ADGRB3: variants seen among roughly 807,000 people sequenced by gnomAD.
ADGRB3 encodes the protein brain-specific angiogenesis inhibitor 3.
Under a neutral mutation model 193.4 loss-of-function variants are expected in ADGRB3, and 37 were observed. The observed-to-expected ratio is 0.19, with a 90% CI of 0.15 to 0.25. The LOEUF is 0.25. ADGRB3 is among the 10% of genes least tolerant of loss of function. ADGRB3 has a pLI of 1.00. For synonymous variants in ADGRB3, 690 were observed against 644.2 expected (o/e 1.07, Z -1.08); for missense variants, 1,637 against 1,852.9 (o/e 0.88, Z 2.14).
At chr6:69,150,601 CA>C (rs1355726124) in intron 17 of ADGRB3, among the ~76,000 whole-genome samples, 1 of 152,168 alleles carries the variant, frequency 6.6e-6, no homozygotes, top group Non-Finnish European at 1.5e-5. Context: ...GTGCTCTGCC[CA>C]ATTGTGGCTG....
chr6:68,668,937 G>T (rs756864736), intron 3 of ADGRB3, among the ~76,000 whole-genome samples: 28 of 151,866 alleles, frequency 1.8e-4, no homozygotes, highest in African/African-American at 6.5e-4. Flanking sequence ...TAATCATCCC[G>T]TAGCATTGTA....
chr6:68,875,106 CT>C (rs1395581345), intron 3 of ADGRB3, among the ~76,000 whole-genome samples: 10 of 115,488 alleles, frequency 8.7e-5, no homozygotes, highest in Non-Finnish European at 1.1e-4. Context: ...TCCTTCCTTC[CT>C]TCCTTCCTTT....
chr6:68,732,269 A>G (rs983657530), intron 3 of ADGRB3, among the ~76,000 whole-genome samples: 4 of 151,782 alleles, frequency 2.6e-5, no homozygotes, highest in Non-Finnish European at 5.9e-5. Context: ...TCATTGCCCA[A>G]GTATTAAGCC....
At chr6:68,789,480 G>T (rs1378917542) in intron 3 of ADGRB3, among the ~76,000 whole-genome samples, 1 of 152,148 alleles carries the variant, frequency 6.6e-6, no homozygotes, top group Non-Finnish European at 1.5e-5. Context: ...TTGAATATTG[G>T]TCCCCACACT....
At chr6:69,044,224 T>A (rs1211633584) in intron 13 of ADGRB3, among the ~76,000 whole-genome samples, 1 of 152,148 alleles carries the variant, frequency 6.6e-6, no homozygotes, top group African/African-American at 2.4e-5. Context: ...AATTTGCTCA[T>A]CCCTACAGCC....
At chr6:68,870,123 T>C (rs1765416163) in intron 3 of ADGRB3, among the ~76,000 whole-genome samples, 1 of 152,212 alleles carries the variant, frequency 6.6e-6, no homozygotes. Context: ...TTATCTTTCC[T>C]AATATAGTTA....
Position 69,088,627 on chromosome 6 carries a change from G to A in ADGRB3, c.2480+12589G>A, listed in dbSNP as rs539091420. Among the ~76,000 whole-genome samples, 25 of 152,310 alleles carry A rather than the reference G, an allele frequency of 1.6e-4. 1 individual carries two copies. In the South Asian group the frequency reaches 5.2e-3, roughly 32 times the overall value. ...GACCTCAGGTGATCTGCCTGCCTTGGCCTCCCAAAATGCTGGGATGACAGG... is the reference window on the plus strand; with the variant it reads ...GACCTCAGGTGATCTGCCTGCCTTGACCTCCCAAAATGCTGGGATGACAGG... On this transcript the variant is annotated intron_variant, in intron 17 of 31. Coordinates refer to ENST00000370598, the MANE Select transcript of ADGRB3 (RefSeq NM_001704.3).
intron 17 of ADGRB3, among the ~76,000 whole-genome samples, chr6:69,173,125 C>T (rs1402040269): frequency 6.6e-6 from 1 of 152,212 alleles, no homozygotes; most frequent in African/African-American, 2.4e-5. Context: ...ACAACCTCTG[C>T]CTCCCGGGTT....
intron 3 of ADGRB3, among the ~76,000 whole-genome samples, chr6:68,715,948 C>A (rs187513758): frequency 7.9e-5 from 12 of 151,622 alleles, no homozygotes; most frequent in African/African-American, 2.7e-4. Context: ...CATCTGGTGG[C>A]GGGGGAATGC....
chr6:69,281,096 G>C (rs934145368), intron 20 of ADGRB3, among the ~76,000 whole-genome samples: 1 of 152,146 alleles, frequency 6.6e-6, no homozygotes, highest in Non-Finnish European at 1.5e-5. Flanking sequence ...GCATTTAATT[G>C]AGCCACAGAC....
At chr6:69,027,661 T>G (rs1214732992) in intron 13 of ADGRB3, among the ~76,000 whole-genome samples, 5 of 152,202 alleles carry the variant, frequency 3.3e-5, no homozygotes, top group Non-Finnish European at 7.3e-5. Flanking sequence ...ATAGACTATT[T>G]GGCGCTTGAG....
rs1562023303 is a variant in ADGRB3 at position 68,772,891 on chromosome 6, A to AT, written c.757+133459_757+133460insT. The stretch of plus-strand genomic sequence containing the variant: ...CAAACAAACAAACAAACAAAAAAAA[A>AT]AAAATATATATATATATATATATAT... On this transcript the variant is annotated intron_variant, in intron 3 of 31. Coordinates refer to ENST00000370598, the MANE Select transcript of ADGRB3 (RefSeq NM_001704.3). Among the ~76,000 whole-genome samples, 292 of 35,630 alleles carry AT rather than the reference A, an allele frequency of 8.2e-3. 2 individuals carry two copies. The highest frequency in any genetic ancestry group is 0.011 in the Non-Finnish European group (229 of 21,538). 23.4% of individuals were successfully genotyped at this position (35,630 alleles called of 152,430 possible).
rs550773986 is a variant in ADGRB3 at position 68,789,787 on chromosome 6, C to T, written c.758-140772C>T. ...CCATTCTCCCCATCACTTTCAGGTA[C>T]ACCAATCAGACATAGATTTGGTCTT... is the stretch of plus-strand genomic sequence containing the variant. On this transcript the variant is annotated intron_variant, in intron 3 of 31. Coordinates refer to ENST00000370598, the MANE Select transcript of ADGRB3 (RefSeq NM_001704.3). 4.6e-5 allele frequency among the ~76,000 whole-genome samples: 7 copies of T among 152,340 alleles called. 1 individual carries two copies. The South Asian group carries it at 1.4e-3, about 32-fold the overall frequency.
intron 17 of ADGRB3, among the ~76,000 whole-genome samples, chr6:69,175,020 T>A (rs1349411781): frequency 6.6e-6 from 1 of 152,250 alleles, no homozygotes; most frequent in Non-Finnish European, 1.5e-5. Flanking sequence ...CCTTGTCACA[T>A]GCATACTTTG....
chr6:69,213,535 A>G (rs1311655945), intron 17 of ADGRB3, among the ~76,000 whole-genome samples: 1 of 152,160 alleles, frequency 6.6e-6, no homozygotes, highest in Non-Finnish European at 1.5e-5. Flanking sequence ...GCATAGTCCC[A>G]TGGGTTTCCT....
intron 17 of ADGRB3, among the ~76,000 whole-genome samples, chr6:69,119,294 A>C (rs868386357): frequency 1.7e-4 from 26 of 152,344 alleles, no homozygotes; most frequent in African/African-American, 6.3e-4. Context: ...TTATTCATTC[A>C]TTCAGCAAAT....
intron 3 of ADGRB3, among the ~76,000 whole-genome samples, chr6:68,805,846 G>T (rs1264913859): frequency 2.0e-5 from 3 of 152,114 alleles, no homozygotes; most frequent in South Asian, 2.1e-4. Flanking sequence ...GATTATAAGG[G>T]TGTTTGCAAA....
At chr6:69,085,519 T>C (rs971054575) in intron 17 of ADGRB3, among the ~76,000 whole-genome samples, 42 of 152,058 alleles carry the variant, frequency 2.8e-4, no homozygotes, top group African/African-American at 9.9e-4. Context: ...GAATTTATAT[T>C]AGGTAATTTT....
chr6:68,944,487 A>G (rs1767723811), intron 6 of ADGRB3, among the ~76,000 whole-genome samples: 2 of 152,122 alleles, frequency 1.3e-5, no homozygotes, highest in South Asian at 4.1e-4. Flanking sequence ...ATTGTAAACA[A>G]TTTACAATCT....
Sources: allele counts gnomAD v4.1 joint callset (sites outside exome capture counted in the v4.1 genomes callset), GRCh38; gene constraint gnomAD v4.1.1; transcripts MANE v1.5; gene names NCBI Gene and HGNC (gene_info 2026-07-23, HGNC 2026-07-21).